Variants in ROBO2 observed in about 807,000 individuals in gnomAD.
ROBO2 encodes the protein roundabout guidance receptor 2.
ROBO2 carries 53 observed loss-of-function variants against 160.8 expected under a neutral mutation model. The observed-to-expected ratio is 0.33, with a 90% confidence interval of 0.26 to 0.41. The LOEUF is 0.41. ROBO2 is among the 10% of genes least tolerant of loss of function. The pLI, the probability that ROBO2 is intolerant of heterozygous loss-of-function variation, is 1.00. For synonymous variants in ROBO2, 664 were observed against 611.7 expected (o/e 1.09, Z -1.26); for missense variants, 1,577 against 1,722.4 (o/e 0.92, Z 1.49).
intron 2 of ROBO2, among the ~76,000 whole-genome samples, chr3:77,024,620 C>T (rs2062844566): frequency 1.3e-5 from 2 of 152,156 alleles, no homozygotes; most frequent in African/African-American, 4.8e-5. Flanking sequence ...GGAGACCCGA[C>T]TCCACACTGA....
chr3:77,215,846 T>G (rs2084864245), intron 2 of ROBO2, among the ~76,000 whole-genome samples: 1 of 152,214 alleles, frequency 6.6e-6, no homozygotes, highest in African/African-American at 2.4e-5. Flanking sequence ...GGAGGTCCAC[T>G]CCAGACCCTG....
At chr3:76,388,846 C>T (rs1271161844) in intron 2 of ROBO2, among the ~76,000 whole-genome samples, 2 of 151,990 alleles carry the variant, frequency 1.3e-5, no homozygotes, top group African/African-American at 2.4e-5. Context: ...TAGATATTAT[C>T]AGTGATAAAT....
At chr3:76,976,477 G>A (rs1434873897) in intron 2 of ROBO2, among the ~76,000 whole-genome samples, 1 of 152,146 alleles carries the variant, frequency 6.6e-6, no homozygotes, top group East Asian at 1.9e-4. Context: ...AGCATTTTCT[G>A]TTTAATCTTT....
exon 9 of ROBO2, chr3:77,558,026 A>C: frequency 1.2e-6 from 2 of 1,613,284 alleles, no homozygotes; most frequent in South Asian, 2.2e-5. Context: ...CGTTACTGAA[A>C]TGTAAAGCCA....
intron 2 of ROBO2, among the ~76,000 whole-genome samples, chr3:76,384,353 A>C (rs2108583912): frequency 6.6e-6 from 1 of 152,288 alleles, no homozygotes; most frequent in Middle Eastern, 3.4e-3. Context: ...GTATATGTTA[A>C]CATTCAGCCA....
rs2066411691 is a variant in ROBO2, at chr3:77,062,369, G to A, written c.61+21523G>A. On this transcript the variant is annotated intron_variant, in intron 1 of 25. Coordinates refer to ENST00000461745, the Ensembl canonical transcript of ROBO2. ...CTAAAGGCTCCTGACAGAATGCAGTGCAGTTTCTATTAAGACTTCCAAACC... is the reference window on the plus strand; with the variant it reads ...CTAAAGGCTCCTGACAGAATGCAGTACAGTTTCTATTAAGACTTCCAAACC... Among the ~76,000 whole-genome samples, 3 of 152,114 alleles carry A rather than the reference G, an allele frequency of 2.0e-5. No homozygotes were observed. In the Middle Eastern group the frequency reaches 0.01, roughly 517 times the overall value.
intron 2 of ROBO2, among the ~76,000 whole-genome samples, chr3:76,355,044 ATGTGTG>A (rs373836406): frequency 1.3e-5 from 2 of 148,904 alleles, no homozygotes; most frequent in African/African-American, 4.9e-5. Flanking sequence ...GTGTATGTGT[ATGTGTG>A]TGTGTGTGTG....
chr3:76,214,169 A>G (rs899337117), intron 2 of ROBO2, among the ~76,000 whole-genome samples: 3 of 152,192 alleles, frequency 2.0e-5, no homozygotes, highest in African/African-American at 7.2e-5. Context: ...CTTCAAATAA[A>G]GACAATAGCA....
chr3:77,404,943 C>A (rs930516467), intron 2 of ROBO2, among the ~76,000 whole-genome samples: 11 of 152,088 alleles, frequency 7.2e-5, no homozygotes, highest in African/African-American at 2.4e-4. Context: ...TTTTCTAATA[C>A]TCTCCCCAAC....
chr3:76,654,710 C>T (rs909062137), intron 2 of ROBO2, among the ~76,000 whole-genome samples: 2 of 151,722 alleles, frequency 1.3e-5, no homozygotes, highest in African/African-American at 2.4e-5. Context: ...TCATAAGAAG[C>T]GCTATACCAA....
chr3:77,408,120 A>G (rs975428472), intron 2 of ROBO2, among the ~76,000 whole-genome samples: 6 of 152,096 alleles, frequency 3.9e-5, no homozygotes, highest in South Asian at 4.1e-4. Context: ...AACAAACAAA[A>G]AAACCTTCCA....
chr3:77,028,886 C>T (rs2063142655), intron 2 of ROBO2, among the ~76,000 whole-genome samples: 1 of 151,988 alleles, frequency 6.6e-6, no homozygotes, highest in African/African-American at 2.4e-5. Flanking sequence ...ATAAGAAAAC[C>T]ACTATATCCT....
At chr3:76,004,465 A>C (rs1180923549) in intron 2 of ROBO2, among the ~76,000 whole-genome samples, 5 of 152,184 alleles carry the variant, frequency 3.3e-5, no homozygotes, top group Non-Finnish European at 1.5e-5. Context: ...TGGGTAGTTT[A>C]TAAACAACCA....
At chr3:77,512,873 A>G (rs2089573425) in intron 5 of ROBO2, among the ~76,000 whole-genome samples, 1 of 151,954 alleles carries the variant, frequency 6.6e-6, no homozygotes, top group Non-Finnish European at 1.5e-5. Context: ...GGTTCAATTC[A>G]TAGTTTTTAC....
chr3:76,258,326 G>A (rs1282574412), intron 2 of ROBO2, among the ~76,000 whole-genome samples: 1 of 151,786 alleles, frequency 6.6e-6, no homozygotes, highest in Non-Finnish European at 1.5e-5. Flanking sequence ...ATCCTCAATA[G>A]CAATACATTT....
At chr3:76,833,630 T>G (rs940197001) in intron 2 of ROBO2, among the ~76,000 whole-genome samples, 1 of 152,226 alleles carries the variant, frequency 6.6e-6, no homozygotes, top group African/African-American at 2.4e-5. Context: ...TGTTGTTATC[T>G]GTAGCCCACA....
intron 2 of ROBO2, among the ~76,000 whole-genome samples, chr3:76,470,605 G>A (rs936404208): frequency 1.4e-4 from 22 of 152,114 alleles, no homozygotes; most frequent in Admixed American, 3.9e-4. Flanking sequence ...TCAAGAGACT[G>A]AGATAGAAGC....
chr3:76,302,061 A>G (rs1429497933), intron 2 of ROBO2, among the ~76,000 whole-genome samples: 2 of 152,054 alleles, frequency 1.3e-5, no homozygotes, highest in African/African-American at 4.8e-5. Context: ...AGACTTTTTC[A>G]TGAGAGAAAA....
chr3:76,605,861 C>T (rs781360787), intron 2 of ROBO2, among the ~76,000 whole-genome samples: 2 of 152,216 alleles, frequency 1.3e-5, no homozygotes, highest in Middle Eastern at 6.8e-3. Context: ...ATTTACTTTG[C>T]TTCATTACAG....
Sources: gnomAD v4.1 joint callset for allele counts (sites outside exome capture counted in the v4.1 genomes callset) on GRCh38, gnomAD v4.1.1 for gene constraint, MANE v1.5 for transcripts, NCBI Gene and HGNC (gene_info 2026-07-23, HGNC 2026-07-21) for gene names.